PUF60: variants seen among roughly 807,000 people sequenced by gnomAD.
The protein encoded by PUF60 is poly(U)-binding-splicing factor PUF60.
In PUF60, 10 loss-of-function variants were observed where a neutral mutation model predicts 61.8. That is an observed-to-expected ratio of 0.16 (90% CI 0.10 to 0.27). The LOEUF is 0.27. Ranked by LOEUF, PUF60 falls within the 10% of genes least tolerant of loss-of-function variation. The pLI is 1.00. For missense variants in PUF60, 371 were observed against 754.0 expected, an observed-to-expected ratio of 0.49 and a Z score of 5.95; for synonymous variants, 353 against 300.9, an observed-to-expected ratio of 1.17 and a Z score of -1.79.
At chr8:143,823,534 G>T (rs1370529251) in intron 2 of PUF60, among the ~76,000 whole-genome samples, 1 of 152,246 alleles carries the variant, frequency 6.6e-6, no homozygotes, top group Non-Finnish European at 1.5e-5. Context: ...CAAGGGCCAG[G>T]GAGCACCAGC....
chr8:143,822,672 C>T, intron 2 of PUF60: 1 of 425,528 alleles, frequency 2.4e-6, no homozygotes, highest in South Asian at 1.6e-5. Context: ...CACTGCAGAC[C>T]CAAGCTGATG....
At position 143,822,754 on chromosome 8, in the gene PUF60, G is replaced by C. The variant is rs1817165659; in HGVS notation, c.112-841C>G. The C allele has an allele frequency of 8.4e-6, 3 of 355,498 alleles. No homozygotes were observed. The East Asian group carries it at 2.3e-4, about 27-fold the overall frequency. The allele number at this position is 355,498 out of a possible 1,614,324, so 22.0% of individuals were successfully genotyped here. On this transcript the variant is annotated intron_variant, in intron 2 of 11. Coordinates refer to ENST00000526683, the MANE Select transcript of PUF60 (RefSeq NM_078480.3). Reference sequence around the variant, plus strand: ...AGCTTTTTGCAGAGGGAAGAACGCAGCTGTGTGAGCAGGGAGGCATGGCTA... The same window carrying C: ...AGCTTTTTGCAGAGGGAAGAACGCACCTGTGTGAGCAGGGAGGCATGGCTA...
intron 4 of PUF60, 75 bp downstream of exon 4, chr8:143,821,522 G>A (rs1034624727): frequency 2.9e-5 from 38 of 1,307,084 alleles, no homozygotes; most frequent in Middle Eastern, 2.5e-4. Flanking sequence ...GCAGGCCCAG[G>A]AGGAGGAAGA....
Position 143,824,415 on chromosome 8 carries a change from A to T in PUF60, c.25-16T>A. 6.2e-7 allele frequency: 1 copy of T among 1,609,738 alleles called. No homozygotes were observed. The highest frequency in any genetic ancestry group is 8.5e-7 in the Non-Finnish European group (1 of 1,179,412). The stretch of plus-strand genomic sequence containing the variant: ...CATTGACCTGCTGCAGGCAGGAAGG[A>T]GATGTTGTAACGACAGGCACACCAC... On this transcript the variant is annotated splice_polypyrimidine_tract_variant and intron_variant, in intron 1 of 11. Transcript: ENST00000526683.
At chr8:143,822,371 CCA>C (rs1817121764) in intron 2 of PUF60, 1 of 401,742 alleles carries the variant, frequency 2.5e-6, no homozygotes, top group African/African-American at 2.1e-5. Flanking sequence ...ACAGTCCCTG[CCA>C]CAGACACAGG....
chr8:143,827,466 T>C (rs1439438527), intron 1 of PUF60: 1 of 456,132 alleles, frequency 2.2e-6, no homozygotes, highest in Non-Finnish European at 4.4e-6. Context: ...CCCTTCTGCA[T>C]CTTCTGGCTT....
At chr8:143,825,833 G>A (rs1208230728) in intron 1 of PUF60, among the ~76,000 whole-genome samples, 1 of 152,236 alleles carries the variant, frequency 6.6e-6, no homozygotes, top group African/African-American at 2.4e-5. Flanking sequence ...CCCGTGAACA[G>A]GGTGAACTGA....
chr8:143,826,068 A>C (rs1817605619), intron 1 of PUF60, among the ~76,000 whole-genome samples: 1 of 152,240 alleles, frequency 6.6e-6, no homozygotes, highest in Admixed American at 6.5e-5. Context: ...GAGAACTTGG[A>C]GGAAACCGGT....
At chr8:143,820,505 A>C in intron 5 of PUF60, 161 bp downstream of exon 5, 2 of 811,658 alleles carry the variant, frequency 2.5e-6, no homozygotes, top group Non-Finnish European at 4.0e-6. Context: ...GTGGGTGCCC[A>C]CACCACTGGC....
chr8:143,827,642 G>GGAAT (rs1817782332), intron 1 of PUF60: 1 of 353,158 alleles, frequency 2.8e-6, no homozygotes. Context: ...GATTAAAAGA[G>GGAAT]GAATGGGTTA....
chr8:143,825,310 G>A (rs1026752322), intron 1 of PUF60, among the ~76,000 whole-genome samples: 1 of 152,182 alleles, frequency 6.6e-6, no homozygotes, highest in Non-Finnish European at 1.5e-5. Flanking sequence ...GAGTGTCCCA[G>A]GTCCTTCAGC....
chr8:143,824,187 G>A lies in PUF60; in HGVS notation c.111+126C>T, dbSNP rs930870423. On this transcript the variant is annotated intron_variant, in intron 2 of 11. Coordinates refer to ENST00000526683, the MANE Select transcript of PUF60 (RefSeq NM_078480.3). The stretch of plus-strand genomic sequence containing the variant: ...CAGTTGTCTGCCCAGAGGCAGAGAA[G>A]GGTTCCCGAGGTTCCTCCCGCCCCG... 6 of 935,514 alleles carry A rather than the reference G, an allele frequency of 6.4e-6. No homozygotes were observed. In the African/African-American group the frequency reaches 8.3e-5, roughly 13 times the overall value. The allele number at this position is 935,514 out of a possible 1,614,324, so 58.0% of individuals were successfully genotyped here. A position where few individuals can be genotyped will look rare whatever the true frequency, so the allele number is the denominator to read the frequency against.
At chr8:143,824,819 C>A in intron 1 of PUF60, 1 of 206,172 alleles carries the variant, frequency 4.9e-6, no homozygotes, top group Non-Finnish European at 9.9e-6. Context: ...CACAACTCAG[C>A]CCCAGCTCCA....
intron 1 of PUF60, among the ~76,000 whole-genome samples, chr8:143,826,130 C>T (rs976897937): frequency 1.3e-5 from 2 of 152,206 alleles, no homozygotes; most frequent in Admixed American, 6.5e-5. Context: ...ATTAAAATGG[C>T]GTCTTTATGG....
rs2130222048 is a variant in PUF60 at position 143,817,109 on chromosome 8, A to T, written c.1181T>A (p.Ile394Asn). 5.6e-6 allele frequency: 9 copies of T among 1,610,226 alleles called. No individual in the cohort carries two copies. The highest frequency in any genetic ancestry group is 7.6e-6 in the Non-Finnish European group (9 of 1,178,686). ...TPARPPIPVT[I>N]PSVGVVNPIL... ...GGGGTTCACCACTCCCACCGAGGGG[A>T]TGGTGACCGGGATAGGAGGACGGGC... The change falls in exon 11 of 12, where the codon ATC (isoleucine) becomes AAC (asparagine). Residue 394 changes from isoleucine (I) to asparagine (N), a missense_variant. Coordinates refer to ENST00000526683, the MANE Select transcript of PUF60 (RefSeq NM_078480.3). The surrounding 1 kb of genome is among the most constrained non-coding windows in gnomAD (Gnocchi z 7.4).
intron 2 of PUF60, 88 bp from the exon 3 acceptor site, chr8:143,822,001 C>T (rs1357939106): frequency 4.0e-6 from 4 of 993,988 alleles, no homozygotes; most frequent in South Asian, 1.6e-5. Flanking sequence ...CACAGACTGT[C>T]CCCTGCCTGG....
chr8:143,821,099 G>A (rs904622230), intron 4 of PUF60, among the ~76,000 whole-genome samples: 3 of 152,242 alleles, frequency 2.0e-5, no homozygotes, highest in Non-Finnish European at 4.4e-5. Flanking sequence ...CGAAGGTATC[G>A]CAGCCTCCGG....
intron 2 of PUF60, among the ~76,000 whole-genome samples, chr8:143,823,859 G>C (rs1386886550): frequency 4.6e-5 from 7 of 152,270 alleles, no homozygotes; most frequent in African/African-American, 1.7e-4. Context: ...AACCAGACCT[G>C]TGCTTTGACT....
intron 1 of PUF60, among the ~76,000 whole-genome samples, chr8:143,825,323 CCAG>C (rs1311004753): frequency 6.6e-6 from 1 of 152,162 alleles, no homozygotes; most frequent in East Asian, 1.9e-4. Flanking sequence ...CCTTCAGCCT[CCAG>C]AGGAGGAGCA....
Sources: gnomAD v4.1 joint callset for allele counts (sites outside exome capture counted in the v4.1 genomes callset) on GRCh38, gnomAD v4.1.1 for gene constraint, Gnocchi (gnomAD v3.1) non-coding constraint, MANE v1.5 for transcripts, NCBI Gene and HGNC (gene_info 2026-07-23, HGNC 2026-07-21) for gene names.